Variants in RYR1 observed in about 807,000 individuals in gnomAD.
The protein encoded by RYR1 is ryanodine receptor 1, also known as central core disease of muscle.
In RYR1, 342 loss-of-function variants were observed where a neutral mutation model predicts 583.5. The ratio of observed to expected loss-of-function variants is 0.59; its 90% CI spans 0.54 to 0.64. The LOEUF is 0.64. RYR1 is among the 30% of genes least tolerant of loss of function. The pLI, the probability that RYR1 is intolerant of heterozygous loss-of-function variation, is 0.00. For missense variants in RYR1, 6,032 were observed against 6,917.2 expected, an observed-to-expected ratio of 0.87 and a Z score of 4.54; for synonymous variants, 2,791 against 2,822.5, an observed-to-expected ratio of 0.99 and a Z score of 0.35.
At position 38,458,996 on chromosome 19, in the gene RYR1, A is replaced by G. The variant is rs186870322; in HGVS notation, c.2168-150A>G. 5.5e-6 allele frequency: 4 copies of G among 728,574 alleles called. No individual in the cohort carries two copies. In the East Asian group the frequency reaches 1.1e-4, roughly 20 times the overall value. 45.1% of individuals were successfully genotyped at this position (728,574 alleles called of 1,614,324 possible). On this transcript the variant is annotated intron_variant, in intron 18 of 105. Coordinates refer to ENST00000359596, the MANE Select transcript of RYR1 (RefSeq NM_000540.3). ...AACCCTGACCTCTGCCCTTCATTTCAGAGCTACGGGAGCATCCAAGGGAGC... is the reference window on the plus strand; with the variant it reads ...AACCCTGACCTCTGCCCTTCATTTCGGAGCTACGGGAGCATCCAAGGGAGC...
chr19:38,451,865 C>T lies in RYR1; in HGVS notation c.1224C>T (p.Gly408=). 1 of 1,614,140 alleles carries T rather than the reference C, an allele frequency of 6.2e-7. No individual in the cohort carries two copies. The change falls in exon 12 of 106, where the codon GGC becomes GGT. Residue 408 remains glycine, a synonymous_variant. Coordinates refer to ENST00000359596, the MANE Select transcript of RYR1 (RefSeq NM_000540.3). ...CCCGCATGATCCACAGCACCAATGGCCTATACAACCAGTTCATCAAGTGAG... is the reference window on the plus strand; with the variant it reads ...CCCGCATGATCCACAGCACCAATGGTCTATACAACCAGTTCATCAAGTGAG... ...QAARMIHSTN[G]LYNQFIKSLD...
intron 22 of RYR1, 54 bp from the exon 23 acceptor site, chr19:38,464,585 G>C: frequency 2.0e-6 from 3 of 1,476,166 alleles, no homozygotes; most frequent in Non-Finnish European, 2.8e-6. Context: ...GGGAGGAGAC[G>C]GGGCAGGGAG....
chr19:38,566,890 T>C (rs1177869294), intron 91 of RYR1, 21 bp from the exon 92 acceptor site: 1 of 1,596,362 alleles, frequency 6.3e-7, no homozygotes, highest in East Asian at 2.3e-5. Flanking sequence ...GACTCAGCCC[T>C]GATGCTTGCC....
chr19:38,525,231 T>C, intron 70 of RYR1, 101 bp from the exon 71 acceptor site: 1 of 1,392,260 alleles, frequency 7.2e-7, no homozygotes, highest in Non-Finnish European at 1.0e-6. Flanking sequence ...AGGGAGTGCC[T>C]GGTGTCCAGA....
At chr19:38,440,024 A>T (rs1462928679) in intron 1 of RYR1, among the ~76,000 whole-genome samples, 2 of 152,232 alleles carry the variant, frequency 1.3e-5, no homozygotes, top group Non-Finnish European at 2.9e-5. Flanking sequence ...CCCACTTGGG[A>T]GGCCTCTGGA....
At chr19:38,446,938 C>T (rs1600651176) in intron 9 of RYR1, among the ~76,000 whole-genome samples, 170 bp downstream of exon 9, 1 of 152,092 alleles carries the variant, frequency 6.6e-6, no homozygotes, top group East Asian at 1.9e-4. Context: ...GTGGTGACTT[C>T]ATGCCTGTAA....
intron 20 of RYR1, among the ~76,000 whole-genome samples, chr19:38,461,879 A>G (rs1337628650): frequency 1.3e-5 from 2 of 151,966 alleles, no homozygotes; most frequent in Admixed American, 6.6e-5. Context: ...ACATGGTGAA[A>G]CCCCATCTCT....
At chr19:38,509,152 G>A (rs1970611663) in intron 58 of RYR1, among the ~76,000 whole-genome samples, 1 of 152,012 alleles carries the variant, frequency 6.6e-6, no homozygotes, top group Non-Finnish European at 1.5e-5. Context: ...CTCAAAGCCT[G>A]CCTGCTGAGC....
chr19:38,547,710 A>C (rs1601001628), intron 88 of RYR1, among the ~76,000 whole-genome samples: 1 of 145,364 alleles, frequency 6.9e-6, no homozygotes, highest in Non-Finnish European at 1.5e-5. Flanking sequence ...AGCGTACATC[A>C]TCATTATCTT....
In RYR1 at chr19:38,459,264, C is replaced by G; in HGVS notation, c.2286C>G (p.Pro762=). The G allele has an allele frequency of 6.2e-7, 1 of 1,613,732 alleles. No homozygotes were observed. Among genetic ancestry groups the G allele is most frequent in the Non-Finnish European group, 8.5e-7 (1 of 1,179,898 alleles). Residue 762 remains proline, a synonymous_variant, in exon 19 of 106, where the codon CCC becomes CCG. Transcript: ENST00000359596. ...TCTCCTTCCGCATCAACGGCTGCCC[C>G]GTGCAGGGTGTCTTTGAGTCCTTCA... ...PSISFRINGC[P]VQGVFESFNL...
At position 38,496,469 on chromosome 19, in the gene RYR1, A is replaced by G; in HGVS notation, c.6724A>G (p.Ile2242Val). The change falls in exon 41 of 106, where the codon ATC (isoleucine) becomes GTC (valine). Residue 2242 changes from isoleucine to valine, a missense_variant. By Grantham distance (29) the Ile-to-Val change is conservative (BLOSUM62 3). Around this residue, in one of 11 missense-constraint regions of RYR1, gnomAD observed 2,627 missense variants for 2,961.3 expected, o/e 0.89. Coordinates refer to ENST00000359596, the MANE Select transcript of RYR1 (RefSeq NM_000540.3). This position sits in a 1 kb window ranked among gnomAD's most constrained non-coding sequence, Gnocchi z 4.8. ...CCRFLCYFCR[I>V]SRQNQRSMFD... Reference sequence around the variant, plus strand: ...CCGCTTCCTCTGCTATTTCTGCCGAATCAGCCGGCAGAACCAGCGCTCCAT... The same window carrying G: ...CCGCTTCCTCTGCTATTTCTGCCGAGTCAGCCGGCAGAACCAGCGCTCCAT... 3 of 1,613,736 alleles carry G rather than the reference A, an allele frequency of 1.9e-6. No homozygotes were observed. The highest frequency in any genetic ancestry group is 2.5e-6 in the Non-Finnish European group (3 of 1,180,022).
At chr19:38,469,640 G>A in intron 27 of RYR1, 127 bp downstream of exon 27, 1 of 1,011,596 alleles carries the variant, frequency 9.9e-7, no homozygotes, top group South Asian at 1.3e-5. Context: ...AAGTGTCAGA[G>A]TGATGGGCTC....
intron 10 of RYR1, 47 bp from the exon 11 acceptor site, chr19:38,448,602 T>C (rs1381725138): frequency 2.9e-5 from 46 of 1,614,014 alleles, no homozygotes; most frequent in Non-Finnish European, 3.9e-5. Context: ...GCTCCCCTGC[T>C]AAACACACAG....
intron 1 of RYR1, among the ~76,000 whole-genome samples, chr19:38,440,420 T>A (rs1278695527): frequency 6.6e-6 from 1 of 152,166 alleles, no homozygotes; most frequent in Non-Finnish European, 1.5e-5. Context: ...ACGCTTGTAA[T>A]TTCAGCTATT....
At position 38,459,355 on chromosome 19, in the gene RYR1, A is replaced by C. The variant is rs1403674853; in HGVS notation, c.2360+17A>C. 2 of 1,612,418 alleles carry C rather than the reference A, an allele frequency of 1.2e-6. No homozygotes were observed. The highest frequency in any genetic ancestry group is 1.7e-6 in the Non-Finnish European group (2 of 1,179,320). ...TGGTGTCAAGTGAGAACTTGCCCCC[A>C]CCCCACGGCCAGTCCTCAGACCTAG... On this transcript the variant is annotated intron_variant, in intron 19 of 105. Transcript: ENST00000359596.
At chr19:38,487,320 T>C (rs1481955745) in intron 34 of RYR1, among the ~76,000 whole-genome samples, 1 of 152,196 alleles carries the variant, frequency 6.6e-6, no homozygotes, top group East Asian at 1.9e-4. Flanking sequence ...CATCTAACTA[T>C]TCATTTATAT....
In RYR1 at chr19:38,485,934, A is replaced by G. The variant is rs758330549; in HGVS notation, c.5279A>G (p.His1760Arg). The change falls in exon 34 of 106, where the codon CAT (histidine) becomes CGT (arginine). Residue 1760 changes from histidine (H) to arginine (R), a missense_variant. Physicochemically the swap from His to Arg is conservative, Grantham distance 29. Coordinates refer to ENST00000359596, the MANE Select transcript of RYR1 (RefSeq NM_000540.3). Reference protein sequence around the residue: ...GRSTENGHPRHGLPGVGVTTS... With the variant: ...GRSTENGHPRRGLPGVGVTTS... ...AGCACAGAAAATGGTCACCCCCGGC[A>G]TGGCCTGCCGGGAGTTGGAGTCACC... is the stretch of plus-strand genomic sequence containing the variant. 2 of 1,613,716 alleles carry G rather than the reference A, an allele frequency of 1.2e-6. No homozygotes were observed. Among genetic ancestry groups the G allele is most frequent in the Non-Finnish European group, 1.7e-6 (2 of 1,179,984 alleles).
At chr19:38,562,464 G>A (rs1254150503) in intron 90 of RYR1, among the ~76,000 whole-genome samples, 3 of 151,828 alleles carry the variant, frequency 2.0e-5, no homozygotes, top group East Asian at 3.9e-4. Flanking sequence ...CTCAGATGCC[G>A]CCAGGTACTT....
Position 38,565,744 on chromosome 19 carries a change from C to T in RYR1, c.13410C>T (p.Gly4470=). ...TTPAEPPTPE[G]SPILKRKLGV... is the part of the protein sequence containing the mutation. ...CTGCGGAACCGCCCACACCCGAGGGCTCTCCCATCCTCAAGAGGAAATTGG... is the reference window on the plus strand; with the variant it reads ...CTGCGGAACCGCCCACACCCGAGGGTTCTCCCATCCTCAAGAGGAAATTGG... Residue 4470 remains glycine (G), a synonymous_variant, in exon 91 of 106, where the codon GGC becomes GGT. Transcript: ENST00000359596. The surrounding 1 kb of genome is among the most constrained non-coding windows in gnomAD (Gnocchi z 4.7). 1 of 1,420,658 alleles carries T rather than the reference C, an allele frequency of 7.0e-7. No individual in the cohort carries two copies. 88.0% of individuals were successfully genotyped at this position (1,420,658 alleles called of 1,614,324 possible).
Sources: gnomAD v4.1 joint callset for allele counts (sites outside exome capture counted in the v4.1 genomes callset) on GRCh38, gnomAD v4.1.1 for gene constraint, gnomAD v4.1.1 regional missense constraint, Gnocchi (gnomAD v3.1) non-coding constraint, MANE v1.5 for transcripts, NCBI Gene and HGNC (gene_info 2026-07-23, HGNC 2026-07-21) for gene names.